MYO10: variants seen among roughly 807,000 people sequenced by gnomAD.
The protein encoded by MYO10 is myosin X, also known as unconventional myosin-X.
MYO10 carries 133 observed loss-of-function variants against 257.3 expected under a neutral mutation model. The observed-to-expected ratio is 0.52, with a 90% confidence interval of 0.45 to 0.60. MYO10 has a LOEUF of 0.60. Among genes scored for constraint, MYO10 ranks in the 20% least tolerant of loss-of-function variants. The probability of loss-of-function intolerance (pLI) is 0.00; values close to 1 mark genes in which losing one functional copy is unlikely to be tolerated. For missense variants in MYO10, 2,399 were observed against 2,635.7 expected (o/e 0.91, Z 1.97); for synonymous variants, 1,104 against 1,028.6 (o/e 1.07, Z -1.40).
Position 16,809,323 on chromosome 5 carries a change from C to T in MYO10, c.279+8686G>A, listed in dbSNP as rs552454079. On this transcript the variant is annotated intron_variant, in intron 3 of 40. Transcript: ENST00000513610. The stretch of plus-strand genomic sequence containing the variant: ...CGCGGCCTTCAGGCCACGCTGCCTC[C>T]GTGAGAGGCGCGCTGTGACTTGACT... Among the ~76,000 whole-genome samples, 8 of 152,318 alleles carry T rather than the reference C, an allele frequency of 5.3e-5. No individual in the cohort carries two copies. The South Asian group carries it at 1.0e-3, about 20-fold the overall frequency.
intron 2 of MYO10, among the ~76,000 whole-genome samples, chr5:16,865,800 G>A (rs1245445579): frequency 9.0e-6 from 1 of 110,582 alleles, no homozygotes; most frequent in Non-Finnish European, 1.9e-5. Context: ...GACAGAGTTA[G>A]ACTCCGTCTC....
rs1741879520 is a variant in MYO10, at chr5:16,794,730, T to C, written c.383A>G (p.Glu128Gly). Reference sequence around the variant, plus strand: ...GATGGCGAAGATGTGCGGGGGCAGCTCGCCCAGGTGGCGCCGGCTGTACTG... The same window carrying C: ...GATGGCGAAGATGTGCGGGGGCAGCCCGCCCAGGTGGCGCCGGCTGTACTG... ...MEQYSRRHLGELPPHIFAIAN... is the reference protein window; with the variant it reads ...MEQYSRRHLGGLPPHIFAIAN... Residue 128 changes from glutamate to glycine, a missense_variant, in exon 4 of 41, where the codon GAG becomes GGG. Glu to Gly is a moderately conservative substitution (Grantham distance 98). Around this residue, in one of 3 missense-constraint regions of MYO10, gnomAD observed 242 missense variants for 249.5 expected, o/e 0.97. Coordinates refer to ENST00000513610, the MANE Select transcript of MYO10 (RefSeq NM_012334.3). 3.1e-6 allele frequency: 5 copies of C among 1,613,302 alleles called. No homozygotes were observed. Among genetic ancestry groups the C allele is most frequent in the Non-Finnish European group, 4.2e-6 (5 of 1,179,690 alleles).
chr5:16,910,518 T>C (rs1467305325), intron 1 of MYO10, among the ~76,000 whole-genome samples: 4 of 152,198 alleles, frequency 2.6e-5, no homozygotes, highest in East Asian at 1.9e-4. Context: ...GATGTGAAAA[T>C]ACCTATAACA....
intron 23 of MYO10, 75 bp downstream of exon 23, chr5:16,702,850 G>A: frequency 7.5e-7 from 1 of 1,328,214 alleles, no homozygotes; most frequent in Non-Finnish European, 1.0e-6. Flanking sequence ...GGGATTTCTG[G>A]CTGCACAGAC....
chr5:16,785,696 C>G (rs929698193), intron 4 of MYO10, among the ~76,000 whole-genome samples: 1 of 152,040 alleles, frequency 6.6e-6, no homozygotes, highest in African/African-American at 2.4e-5. Context: ...ATGGTGAAAC[C>G]CTGTCTCTAC....
intron 2 of MYO10, among the ~76,000 whole-genome samples, chr5:16,869,769 G>A (rs1032283797): frequency 6.6e-6 from 1 of 151,294 alleles, no homozygotes; most frequent in African/African-American, 2.5e-5. Flanking sequence ...GGAGGCTGAG[G>A]CAGAAGAATC....
chr5:16,793,411 A>C lies in MYO10; in HGVS notation c.467+1235T>G, dbSNP rs1026079632. Among the ~76,000 whole-genome samples, 17 of 152,050 alleles carry C rather than the reference A, an allele frequency of 1.1e-4. No individual in the cohort carries two copies. In the East Asian group the frequency reaches 3.3e-3, roughly 30 times the overall value. On this transcript the variant is annotated intron_variant, in intron 4 of 40. Transcript: ENST00000513610. ...GTGATCTCAGCTCACTGCAACCTCC[A>C]CCTCCGGGTTAAAGTGATCCTCCCA...
chr5:16,845,138 G>C (rs867921991), intron 2 of MYO10, among the ~76,000 whole-genome samples: 4 of 152,156 alleles, frequency 2.6e-5, no homozygotes, highest in Middle Eastern at 3.4e-3. Context: ...CTCTTCCTGA[G>C]ACACGGCCCA....
chr5:16,789,904 G>A lies in MYO10; in HGVS notation c.467+4742C>T, dbSNP rs139542592. Among the ~76,000 whole-genome samples, 28 of 152,250 alleles carry A rather than the reference G, an allele frequency of 1.8e-4. No individual in the cohort carries two copies. The East Asian group carries it at 4.8e-3, about 26-fold the overall frequency. On this transcript the variant is annotated intron_variant, in intron 4 of 40. Transcript: ENST00000513610. ...GCCAACCAAACAGTTCTGGGCCTCGGCTTCCCTACAGAAAATGCCTCTTGG... is the reference window on the plus strand; with the variant it reads ...GCCAACCAAACAGTTCTGGGCCTCGACTTCCCTACAGAAAATGCCTCTTGG...
At chr5:16,801,244 G>T (rs976092975) in intron 3 of MYO10, among the ~76,000 whole-genome samples, 1 of 152,078 alleles carries the variant, frequency 6.6e-6, no homozygotes, top group Admixed American at 6.5e-5. Context: ...GTCTCGCTCC[G>T]TTGCCCAGGC....
At chr5:16,743,818 A>G (rs1740094745) in intron 19 of MYO10, among the ~76,000 whole-genome samples, 1 of 152,204 alleles carries the variant, frequency 6.6e-6, no homozygotes, top group South Asian at 2.1e-4. Flanking sequence ...AAAGAACCAT[A>G]CAACACAGAC....
chr5:16,684,729 C>A (rs112291025), intron 29 of MYO10, among the ~76,000 whole-genome samples: 1 of 102,430 alleles, frequency 9.8e-6, no homozygotes, highest in Non-Finnish European at 2.0e-5. Flanking sequence ...AACTTTGTGT[C>A]TGGGATAGAG....
chr5:16,790,895 T>TTATATATATATATA (rs576552609), intron 4 of MYO10, among the ~76,000 whole-genome samples: 23 of 144,480 alleles, frequency 1.6e-4, no homozygotes, highest in African/African-American at 4.9e-4. Context: ...AGTTTTAAAT[T>TTATATATATATATA]TATATATATA....
intron 1 of MYO10, among the ~76,000 whole-genome samples, chr5:16,912,988 CAAAA>C (rs5866219): frequency 7.2e-6 from 1 of 138,604 alleles, no homozygotes; most frequent in African/African-American, 2.7e-5. Context: ...TGTTTATTCC[CAAAA>C]AAAAAAAAAA....
chr5:16,762,893 G>A (rs964411939), intron 14 of MYO10, among the ~76,000 whole-genome samples: 1 of 151,180 alleles, frequency 6.6e-6, no homozygotes, highest in African/African-American at 2.4e-5. Flanking sequence ...GAACCTGGGA[G>A]ACGGAGGTTG....
chr5:16,772,918 G>C lies in MYO10; in HGVS notation c.931-3715C>G, dbSNP rs1412241566. On this transcript the variant is annotated intron_variant, in intron 9 of 40. Transcript: ENST00000513610. The stretch of plus-strand genomic sequence containing the variant: ...AGTAGTTTCCTAGGGCCAGGTGTGG[G>C]GGGGTTGGGATTGCCTGGGAAGGGG... Among the ~76,000 whole-genome samples, 4 of 152,182 alleles carry C rather than the reference G, an allele frequency of 2.6e-5. No individual in the cohort carries two copies. In the East Asian group the frequency reaches 5.8e-4, roughly 22 times the overall value.
chr5:16,787,688 G>GC (rs1337389917), intron 4 of MYO10, among the ~76,000 whole-genome samples: 1 of 151,506 alleles, frequency 6.6e-6, no homozygotes, highest in Non-Finnish European at 1.5e-5. Flanking sequence ...ACTGATGGGG[G>GC]GCCACAGGCT....
rs569154312 is a variant in MYO10, at chr5:16,877,168, T to G, written c.120+441A>C. On this transcript the variant is annotated intron_variant, in intron 2 of 40. Coordinates refer to ENST00000513610, the MANE Select transcript of MYO10 (RefSeq NM_012334.3). ...TTTGCTCTTCATAAATCACTCAGTCTATGGTATTCTGTCATGGCAGCCCAA... is the reference window on the plus strand; with the variant it reads ...TTTGCTCTTCATAAATCACTCAGTCGATGGTATTCTGTCATGGCAGCCCAA... Among the ~76,000 whole-genome samples the G allele has an allele frequency of 3.7e-4, 56 of 152,348 alleles. 1 individual carries two copies. Among genetic ancestry groups the G allele is most frequent in the African/African-American group, 1.3e-3 (52 of 41,578 alleles).
intron 4 of MYO10, among the ~76,000 whole-genome samples, chr5:16,786,803 G>A (rs1724470865): frequency 1.3e-5 from 2 of 151,996 alleles, no homozygotes; most frequent in African/African-American, 2.4e-5. Context: ...AACCCTGGCT[G>A]CATATTAGAA....
Sources: allele counts gnomAD v4.1 joint callset (sites outside exome capture counted in the v4.1 genomes callset), GRCh38; gene constraint gnomAD v4.1.1; regional missense constraint gnomAD v4.1.1; transcripts MANE v1.5; gene names NCBI Gene and HGNC (gene_info 2026-07-23, HGNC 2026-07-21).